The following FMR1NB variants were observed in gnomAD, a reference collection of about 807,000 sequenced individuals.
The protein encoded by FMR1NB is FMR1 neighbor.
A neutral mutation model predicts 16.8 loss-of-function variants in FMR1NB; 10 were observed. That is an observed-to-expected ratio of 0.60 (90% CI 0.37 to 1.01). The LOEUF (loss-of-function observed/expected upper bound fraction) is 1.01, where lower values mean the gene tolerates loss of function less well. Ranked by LOEUF, FMR1NB falls within the 50% of genes least tolerant of loss-of-function variation. The probability of loss-of-function intolerance (pLI) is 0.01; values close to 1 mark genes in which losing one functional copy is unlikely to be tolerated. For synonymous variants in FMR1NB, 83 were observed against 79.1 expected (o/e 1.05, Z -0.26); for missense variants, 205 against 204.8 (o/e 1.00, Z 0.00).
intron 1 of FMR1NB, among the ~76,000 whole-genome samples, chrX:148,001,369 A>G (rs1270121516): frequency 2.7e-5 from 3 of 112,181 alleles, no homozygotes; most frequent in South Asian, 3.7e-4. Flanking sequence ...TTACCATAAA[A>G]TTTAGAATTT....
chrX:148,001,681 C>T (rs2044571103), intron 1 of FMR1NB, among the ~76,000 whole-genome samples: 1 of 109,706 alleles, frequency 9.1e-6, no homozygotes, highest in South Asian at 3.9e-4. Flanking sequence ...ACCAGGAAGG[C>T]GGAGGTTGCA....
chrX:147,981,548 T>A lies in FMR1NB; in HGVS notation c.146T>A (p.Met49Lys), dbSNP rs1557186502. The part of the protein sequence containing the change: ...ESSHPGYEAA[M>K]ADRPQPGWRE... ...AGCCATCCTGGATACGAGGCCGCCA[T>A]GGCTGACAGGCCTCAGCCAGGATGG... Residue 49 changes from methionine to lysine, a missense_variant, in exon 1 of 6, where the codon ATG becomes AAG. By Grantham distance (95) the Met-to-Lys change is moderately conservative. Coordinates refer to ENST00000370467, the MANE Select transcript of FMR1NB (RefSeq NM_152578.3). 23 of 1,212,076 alleles carry A rather than the reference T, an allele frequency of 1.9e-5. No homozygotes were observed. Among genetic ancestry groups the A allele is most frequent in the Non-Finnish European group, 2.6e-5 (23 of 895,563 alleles).
Position 148,003,068 on chromosome X carries a change from A to G in FMR1NB, c.278-133A>G, listed in dbSNP as rs916449017. 5 of 662,051 alleles carry G rather than the reference A, an allele frequency of 7.6e-6. No homozygotes were observed. The African/African-American group carries it at 1.1e-4, about 15-fold the overall frequency. The allele number at this position is 662,051 out of a possible 1,213,427, so 54.6% of individuals were successfully genotyped here. Reference sequence around the variant, plus strand: ...GATTATTAATGATGCTTAAGCTGTTATGAGATGAAAGTATATCTGTTAGCT... The same window carrying G: ...GATTATTAATGATGCTTAAGCTGTTGTGAGATGAAAGTATATCTGTTAGCT... On this transcript the variant is annotated intron_variant, in intron 1 of 5. Coordinates refer to ENST00000370467, the MANE Select transcript of FMR1NB (RefSeq NM_152578.3).
intron 1 of FMR1NB, among the ~76,000 whole-genome samples, chrX:147,983,769 C>T (rs2044462803): frequency 1.8e-5 from 2 of 111,706 alleles, no homozygotes; most frequent in Non-Finnish European, 3.8e-5. Flanking sequence ...TCTTTGGTTG[C>T]TTGTGTTTTG....
chrX:147,993,190 G>C (rs918345123), intron 1 of FMR1NB, among the ~76,000 whole-genome samples: 3 of 113,230 alleles, frequency 2.6e-5, no homozygotes, highest in Non-Finnish European at 5.6e-5. Flanking sequence ...CGAGGTTGGC[G>C]GATCACTCGC....
At chrX:147,987,758 T>C (rs1047468814) in intron 1 of FMR1NB, among the ~76,000 whole-genome samples, 1 of 112,120 alleles carries the variant, frequency 8.9e-6, no homozygotes, top group South Asian at 3.8e-4. Flanking sequence ...TTAGCTCTTC[T>C]TTTTGCATTG....
intron 4 of FMR1NB, 111 bp from the exon 5 acceptor site, chrX:148,024,754 C>A: frequency 2.2e-6 from 2 of 900,043 alleles, no homozygotes; most frequent in Non-Finnish European, 3.1e-6. Context: ...TTAAAAATAT[C>A]AGGTGGGAAA....
At chrX:148,008,354 AATG>A (rs1393296448) in intron 3 of FMR1NB, 1 of 308,470 alleles carries the variant, frequency 3.2e-6, no homozygotes, top group Non-Finnish European at 5.6e-6. Context: ...CATAGTAATC[AATG>A]ATGGTACAAA....
chrX:147,990,122 G>A lies in FMR1NB; in HGVS notation c.277+8443G>A, dbSNP rs190149334. On this transcript the variant is annotated intron_variant, in intron 1 of 5. Coordinates refer to ENST00000370467, the MANE Select transcript of FMR1NB (RefSeq NM_152578.3). ...GCCAGTTTTGTGCTTGAAACCCAGGGCCCTGGTGGTGTAGGCACATGAGGG... is the reference window on the plus strand; with the variant it reads ...GCCAGTTTTGTGCTTGAAACCCAGGACCCTGGTGGTGTAGGCACATGAGGG... Among the ~76,000 whole-genome samples the A allele has an allele frequency of 5.1e-3, 567 of 110,990 alleles. 4 individuals are homozygous for A. Among genetic ancestry groups the A allele is most frequent in the African/African-American group, 0.016 (491 of 30,492 alleles).
chrX:148,010,157 C>T (rs782354510), intron 4 of FMR1NB, among the ~76,000 whole-genome samples: 2 of 112,211 alleles, frequency 1.8e-5, no homozygotes, highest in African/African-American at 6.5e-5. Flanking sequence ...TAATATATTT[C>T]CTTCTTTCTA....
At chrX:148,002,803 C>T (rs782065298) in intron 1 of FMR1NB, among the ~76,000 whole-genome samples, 71 of 111,890 alleles carry the variant, frequency 6.3e-4, no homozygotes, top group African/African-American at 2.2e-3. Flanking sequence ...GTATGTAAGG[C>T]CTTGATTTTT....
At chrX:147,996,355 G>A (rs968805510) in intron 1 of FMR1NB, among the ~76,000 whole-genome samples, 1 of 111,431 alleles carries the variant, frequency 9.0e-6, no homozygotes, top group Non-Finnish European at 1.9e-5. Flanking sequence ...GTAAACTGAG[G>A]CAACGAGAAG....
chrX:148,007,150 G>A (rs782573037), intron 3 of FMR1NB, among the ~76,000 whole-genome samples: 24 of 112,317 alleles, frequency 2.1e-4, no homozygotes, highest in African/African-American at 6.1e-4. Flanking sequence ...AGAAGATACC[G>A]GTTGGGCATG....
chrX:148,013,625 G>A (rs1252899708), intron 4 of FMR1NB, among the ~76,000 whole-genome samples: 1 of 112,126 alleles, frequency 8.9e-6, no homozygotes, highest in Non-Finnish European at 1.9e-5. Context: ...AGAGACTTGA[G>A]TTAGATAATT....
At chrX:148,002,281 CAA>C (rs1274292196) in intron 1 of FMR1NB, among the ~76,000 whole-genome samples, 1 of 111,032 alleles carries the variant, frequency 9.0e-6, no homozygotes, top group Non-Finnish European at 1.9e-5. Flanking sequence ...CAAATTAAAA[CAA>C]AAGATATTTT....
chrX:148,008,269 A>G (rs1253424095), intron 3 of FMR1NB: 4 of 154,850 alleles, frequency 2.6e-5, no homozygotes, highest in African/African-American at 1.2e-4. Context: ...GTGCTCCCCA[A>G]GTGCTCTAGG....
chrX:148,013,812 C>T lies in FMR1NB; in HGVS notation c.632+5101C>T, dbSNP rs186617276. 1.9e-4 allele frequency among the ~76,000 whole-genome samples: 21 copies of T among 111,782 alleles called. 1 individual carries two copies. In the East Asian group the frequency reaches 5.6e-3, roughly 30 times the overall value. ...AAAAGTGAACTCATTTTCTTTTTCT[C>T]CTAAATTATCTCCCCTTGACCCTTC... On this transcript the variant is annotated intron_variant, in intron 4 of 5. Transcript: ENST00000370467.
At position 148,003,229 on chromosome X, in the gene FMR1NB, A is replaced by C. The variant is rs782441442; in HGVS notation, c.306A>C (p.Gly102=). Residue 102 remains glycine, a synonymous_variant, in exon 2 of 6, where the codon GGA becomes GGC. Transcript: ENST00000370467. ...SGSSYFVLAN[G]HILPNSENAH... ...CCTCATATTTTGTGCTTGCAAATGG[A>C]CATATCCTGCCCAACAGTGAAAATG... 8.3e-7 allele frequency: 1 copy of C among 1,209,986 alleles called. No individual in the cohort carries two copies. Among genetic ancestry groups the C allele is most frequent in the African/African-American group, 1.7e-5 (1 of 57,863 alleles).
chrX:148,016,644 A>T (rs1259770728), intron 4 of FMR1NB, among the ~76,000 whole-genome samples: 1 of 111,375 alleles, frequency 9.0e-6, no homozygotes, highest in Admixed American at 9.6e-5. Context: ...ATTAGAGGTT[A>T]CCATGAGGCT....
Sources: gnomAD v4.1 joint callset for allele counts (sites outside exome capture counted in the v4.1 genomes callset) on GRCh38, gnomAD v4.1.1 for gene constraint, MANE v1.5 for transcripts, NCBI Gene and HGNC (gene_info 2026-07-23, HGNC 2026-07-21) for gene names.